The following FSHR variants were observed in gnomAD, a reference collection of about 807,000 sequenced individuals.
FSHR encodes follicle stimulating hormone receptor.
A neutral mutation model predicts 52.1 loss-of-function variants in FSHR; 46 were observed. The ratio of observed to expected loss-of-function variants is 0.88; its 90% confidence interval spans 0.70 to 1.13. The LOEUF (loss-of-function observed/expected upper bound fraction) is 1.13. Ranked by LOEUF, FSHR falls within the 50% of genes most tolerant of loss-of-function variation. FSHR has a pLI of 0.00. For synonymous variants in FSHR, 399 were observed against 309.6 expected (o/e 1.29, Z -3.03); for missense variants, 964 against 834.6 (o/e 1.16, Z -1.91).
At position 49,080,341 on chromosome 2, in the gene FSHR, C is replaced by A. The variant is rs188437221; in HGVS notation, c.153-12051G>T. Among the ~76,000 whole-genome samples the A allele has an allele frequency of 3.9e-5, 6 of 152,252 alleles. No homozygotes were observed. In the East Asian group the frequency reaches 9.6e-4, roughly 24 times the overall value. On this transcript the variant is annotated intron_variant, in intron 1 of 9. Coordinates refer to ENST00000406846, the MANE Select transcript of FSHR (RefSeq NM_000145.4). The stretch of plus-strand genomic sequence containing the variant: ...CAAAATGCCCTTGGACCCAGTTATT[C>A]CATGTCCTTCTCTCTGCCACATGTA...
chr2:49,124,551 A>AT (rs1190716918), intron 1 of FSHR, among the ~76,000 whole-genome samples: 39 of 146,816 alleles, frequency 2.7e-4, no homozygotes, highest in African/African-American at 8.8e-4. Flanking sequence ...CTGTAGCTCC[A>AT]TTTTTTTTTC....
chr2:48,995,073 AATGC>A (rs373166909), intron 4 of FSHR, among the ~76,000 whole-genome samples: 17 of 152,286 alleles, frequency 1.1e-4, no homozygotes, highest in African/African-American at 3.8e-4. Flanking sequence ...AAACATCATT[AATGC>A]TTTTATTAAG....
At chr2:49,135,574 T>C (rs1672460850) in intron 1 of FSHR, among the ~76,000 whole-genome samples, 1 of 152,000 alleles carries the variant, frequency 6.6e-6, no homozygotes, top group Admixed American at 6.6e-5. Context: ...GCAAATTAAA[T>C]CTAAAGCAAG....
At chr2:49,050,612 C>T (rs1668821863) in intron 2 of FSHR, among the ~76,000 whole-genome samples, 1 of 152,142 alleles carries the variant, frequency 6.6e-6, no homozygotes, top group Non-Finnish European at 1.5e-5. Context: ...AGCTTCACCA[C>T]ATAAGGATAC....
intron 2 of FSHR, among the ~76,000 whole-genome samples, chr2:49,055,531 CAAAAAAAAAAAAAA>C (rs75665223): frequency 2.2e-4 from 11 of 51,134 alleles, no homozygotes; most frequent in African/African-American, 6.7e-4. Flanking sequence ...CCAGGAAGCT[CAAAAAAAAAAAAAA>C]AAAAAAAAAA....
At chr2:49,039,204 T>G (rs1018576359) in intron 2 of FSHR, among the ~76,000 whole-genome samples, 1 of 152,224 alleles carries the variant, frequency 6.6e-6, no homozygotes, top group Admixed American at 6.5e-5. Flanking sequence ...GAAACCAGGC[T>G]GCAGGTCACT....
At chr2:49,098,797 A>G (rs1670919495) in intron 1 of FSHR, among the ~76,000 whole-genome samples, 1 of 146,956 alleles carries the variant, frequency 6.8e-6, no homozygotes, top group Non-Finnish European at 1.5e-5. Context: ...AATAATATAT[A>G]TTTATAATAT....
chr2:49,003,746 G>A (rs1666987919), intron 4 of FSHR, among the ~76,000 whole-genome samples: 2 of 152,018 alleles, frequency 1.3e-5, no homozygotes, highest in Admixed American at 1.3e-4. Flanking sequence ...TCCCTGCACT[G>A]GGGATATAGT....
chr2:49,061,791 T>A (rs1374721309), intron 2 of FSHR, among the ~76,000 whole-genome samples: 1 of 142,110 alleles, frequency 7.0e-6, no homozygotes, highest in Non-Finnish European at 1.5e-5. Flanking sequence ...TATTCATATA[T>A]AACTATATAG....
rs529361881 is a variant in FSHR, at chr2:49,147,342, A to G, written c.152+6924T>C. Among the ~76,000 whole-genome samples the G allele has an allele frequency of 3.9e-5, 6 of 152,226 alleles. No individual in the cohort carries two copies. The South Asian group carries it at 1.2e-3, about 32-fold the overall frequency. On this transcript the variant is annotated intron_variant, in intron 1 of 9. Coordinates refer to ENST00000406846, the MANE Select transcript of FSHR (RefSeq NM_000145.4). Reference sequence around the variant, plus strand: ...GGAGAGTCTAAATCTAAGCGCCTAAAGAAAAAGTATAGTCCAATCAACCAC... The same window carrying G: ...GGAGAGTCTAAATCTAAGCGCCTAAGGAAAAAGTATAGTCCAATCAACCAC...
Position 48,989,000 on chromosome 2 carries a change from C to T in FSHR, c.501G>A (p.Gly167=). The T allele has an allele frequency of 6.2e-7, 1 of 1,613,896 alleles. No individual in the cohort carries two copies. ...ACAGAATCACACTTTCAAAGCTCAG[C>T]CCCACGAAAGAATTTCTTTCAATTG... is the stretch of plus-strand genomic sequence containing the variant. The part of the protein sequence containing the change: ...IHTIERNSFV[G]LSFESVILWL... The change falls in exon 6 of 10, where the codon GGG becomes GGA. Residue 167 remains glycine (G), a synonymous_variant. Transcript: ENST00000406846.
chr2:49,049,431 T>A (rs560131054), intron 2 of FSHR, among the ~76,000 whole-genome samples: 1 of 152,238 alleles, frequency 6.6e-6, no homozygotes, highest in East Asian at 1.9e-4. Flanking sequence ...TCTTAGCACC[T>A]GGAAGTCTTA....
chr2:49,096,998 C>T (rs548047043), intron 1 of FSHR, among the ~76,000 whole-genome samples: 1 of 152,278 alleles, frequency 6.6e-6, no homozygotes, highest in South Asian at 2.1e-4. Context: ...AGCACTGTGC[C>T]TCTTGTAAAG....
intron 1 of FSHR, among the ~76,000 whole-genome samples, chr2:49,129,570 G>C (rs1208785810): frequency 1.3e-5 from 2 of 152,108 alleles, no homozygotes; most frequent in Non-Finnish European, 2.9e-5. Context: ...TACAAGACAG[G>C]GAAATAACAC....
chr2:49,012,720 A>G (rs550523166), intron 4 of FSHR, among the ~76,000 whole-genome samples: 2 of 152,272 alleles, frequency 1.3e-5, no homozygotes, highest in East Asian at 1.9e-4. Context: ...GTCCCCACTG[A>G]ATTCCTTCAT....
At chr2:48,981,040 T>G (rs1675223974) in intron 8 of FSHR, among the ~76,000 whole-genome samples, 1 of 152,194 alleles carries the variant, frequency 6.6e-6, no homozygotes, top group Non-Finnish European at 1.5e-5. Flanking sequence ...ATGCTGCTAT[T>G]GTGGGGATCA....
chr2:49,047,923 G>C (rs1271876619), intron 2 of FSHR, among the ~76,000 whole-genome samples: 1 of 152,150 alleles, frequency 6.6e-6, no homozygotes, highest in Non-Finnish European at 1.5e-5. Flanking sequence ...TTGTTGTCCA[G>C]GCTGGAGTGC....
At chr2:48,983,360 T>A (rs1559097133) in intron 6 of FSHR, among the ~76,000 whole-genome samples, 194 bp from the exon 7 acceptor site, 1 of 152,202 alleles carries the variant, frequency 6.6e-6, no homozygotes, top group Non-Finnish European at 1.5e-5. Context: ...CTTTTGAAGT[T>A]TGTATTACTT....
intron 2 of FSHR, among the ~76,000 whole-genome samples, chr2:49,049,382 G>A (rs985239421): frequency 1.3e-5 from 2 of 152,112 alleles, no homozygotes; most frequent in African/African-American, 4.8e-5. Context: ...GATTGCGTTT[G>A]ATAGCAAGTC....
Sources: gnomAD v4.1 joint callset for allele counts (sites outside exome capture counted in the v4.1 genomes callset) on GRCh38, gnomAD v4.1.1 for gene constraint, MANE v1.5 for transcripts, NCBI Gene and HGNC (gene_info 2026-07-23, HGNC 2026-07-21) for gene names.